EVI2A: variants seen among roughly 807,000 people sequenced by gnomAD.
EVI2A encodes ecotropic viral integration site 2A.
In EVI2A, 11 loss-of-function variants were observed where a neutral mutation model predicts 13.0. The ratio of observed to expected loss-of-function variants is 0.85; its 90% CI spans 0.53 to 1.40. The LOEUF is 1.40. EVI2A is among the 40% of genes most tolerant of loss of function. The pLI is 0.00. For synonymous variants in EVI2A, 89 were observed against 98.0 expected, an observed-to-expected ratio of 0.91 and a Z score of 0.54; for missense variants, 267 against 279.5, an observed-to-expected ratio of 0.96 and a Z score of 0.32.
rs1052985292 is a variant in EVI2A at position 31,321,478 on chromosome 17, G to A, written c.-11+17C>T. 2 of 152,108 alleles carry A rather than the reference G, an allele frequency of 1.3e-5. No homozygotes were observed. The highest frequency in any genetic ancestry group is 2.1e-4 in the South Asian group (1 of 4,830). 9.4% of individuals were successfully genotyped at this position (152,108 alleles called of 1,614,324 possible). ...GAAGTGAAAAGGCATAAGAAAAGCCGTATATATATGACCTACCTTACAAAA... is the reference window on the plus strand; with the variant it reads ...GAAGTGAAAAGGCATAAGAAAAGCCATATATATATGACCTACCTTACAAAA... On this transcript the variant is annotated intron_variant, in intron 1 of 1. Transcript: ENST00000462804.
Position 31,318,537 on chromosome 17 carries a change from C to G in EVI2A, c.477G>C (p.Leu159Phe), listed in dbSNP as rs2069088126. 1 of 1,614,026 alleles carries G rather than the reference C, an allele frequency of 6.2e-7. No individual in the cohort carries two copies. The highest frequency in any genetic ancestry group is 1.7e-5 in the Admixed American group (1 of 59,958). Residue 159 changes from leucine (L) to phenylalanine (F), a missense_variant, in exon 2 of 2, where the codon TTG (leucine) becomes TTC (phenylalanine). Physicochemically the swap from Leu to Phe is conservative, Grantham distance 22. Coordinates refer to ENST00000462804, the MANE Select transcript of EVI2A (RefSeq NM_014210.4). Reference protein sequence around the residue: ...CTFLFLSTVVLANKVSSLRRS... With the variant: ...CTFLFLSTVVFANKVSSLRRS... Reference sequence around the variant, plus strand: ...GTCTGAGAGAAGAGACTTTGTTTGCCAAAACCACAGTTGATAGAAATAGAA... The same window carrying G: ...GTCTGAGAGAAGAGACTTTGTTTGCGAAAACCACAGTTGATAGAAATAGAA...
rs1394429137 is a variant in EVI2A at position 31,316,781 on chromosome 17, T to C, written c.*1522A>G. Among the ~76,000 whole-genome samples, 1 of 152,214 alleles carries C rather than the reference T, an allele frequency of 6.6e-6. No homozygotes were observed. Among genetic ancestry groups the C allele is most frequent in the Non-Finnish European group, 1.5e-5 (1 of 68,032 alleles). ...ACACTTAACTTTATCTGGAATAATA[T>C]TGTTATGATTTCTCGTTTAGAGAAT... On this transcript the variant is annotated 3_prime_UTR_variant, in exon 2 of 2. Coordinates refer to ENST00000462804, the MANE Select transcript of EVI2A (RefSeq NM_014210.4).
Position 31,317,403 on chromosome 17 carries a change from A to ACC in EVI2A, c.*898_*899dup, listed in dbSNP as rs1555626469. ...CACACACACACACACACACACACAC[A>ACC]CCCCTAATAAATCATTAGGCTACTT... On this transcript the variant is annotated 3_prime_UTR_variant, in exon 2 of 2. Coordinates refer to ENST00000462804, the MANE Select transcript of EVI2A (RefSeq NM_014210.4). 3.1e-3 allele frequency among the ~76,000 whole-genome samples: 457 copies of ACC among 147,280 alleles called. 8 individuals carry two copies. The highest frequency in any genetic ancestry group is 0.031 in the South Asian group (145 of 4,732).
rs546367698 is a variant in EVI2A at position 31,317,166 on chromosome 17, G to A, written c.*1137C>T. Among the ~76,000 whole-genome samples, 14 of 152,026 alleles carry A rather than the reference G, an allele frequency of 9.2e-5. No individual in the cohort carries two copies. The highest frequency in any genetic ancestry group is 1.9e-4 in the African/African-American group (8 of 41,374). On this transcript the variant is annotated 3_prime_UTR_variant, in exon 2 of 2. Coordinates refer to ENST00000462804, the MANE Select transcript of EVI2A (RefSeq NM_014210.4). ...TTGCCCGAAATAAATGCCCAGTAAG[G>A]GATGAGATTTTTGAAATGTGGCCTG...
rs779960997 is a variant in EVI2A, at chr17:31,318,870, T to C, written c.144A>G (p.Gln48=). 1 of 1,614,082 alleles carries C rather than the reference T, an allele frequency of 6.2e-7. No homozygotes were observed. The part of the protein sequence containing the change: ...NSTSSWDSVI[Q]NKTGRNQNEN... ...CATTTTGGTTTCTGCCTGTCTTGTT[T>C]TGAATAACTGAATCCCAGGAAGAAG... Residue 48 remains glutamine (Q), a synonymous_variant, in exon 2 of 2, where the codon CAA becomes CAG. Coordinates refer to ENST00000462804, the MANE Select transcript of EVI2A (RefSeq NM_014210.4).
Position 31,318,449 on chromosome 17 carries a change from A to T in EVI2A, c.565T>A (p.Trp189Arg). Reference protein sequence around the residue: ...SNGDFLASGLWPAESDTWKRT... With the variant: ...SNGDFLASGLRPAESDTWKRT... Reference sequence around the variant, plus strand: ...TTCCAAGTGTCTGATTCAGCGGGCCATAGACCGCTTGCCAGAAAATCGCCA... The same window carrying T: ...TTCCAAGTGTCTGATTCAGCGGGCCTTAGACCGCTTGCCAGAAAATCGCCA... Residue 189 changes from tryptophan to arginine, a missense_variant, in exon 2 of 2, where the codon TGG (tryptophan) becomes AGG (arginine). Physicochemically the swap from Trp to Arg is moderately radical, Grantham distance 101. Coordinates refer to ENST00000462804, the MANE Select transcript of EVI2A (RefSeq NM_014210.4). 6.2e-7 allele frequency: 1 copy of T among 1,614,002 alleles called. No homozygotes were observed. The highest frequency in any genetic ancestry group is 1.7e-5 in the Admixed American group (1 of 59,904).
At position 31,316,583 on chromosome 17, in the gene EVI2A, G is replaced by C. The variant is rs1645444979; in HGVS notation, c.*1720C>G. On this transcript the variant is annotated 3_prime_UTR_variant, in exon 2 of 2. Coordinates refer to ENST00000462804, the MANE Select transcript of EVI2A (RefSeq NM_014210.4). ...TGACCCTTGATTCAAGGAGTGCTTTGTGTTACTCCTGGATGTACTGGTGCA... is the reference window on the plus strand; with the variant it reads ...TGACCCTTGATTCAAGGAGTGCTTTCTGTTACTCCTGGATGTACTGGTGCA... 6.6e-6 allele frequency among the ~76,000 whole-genome samples: 1 copy of C among 152,114 alleles called. No homozygotes were observed. Among genetic ancestry groups the C allele is most frequent in the Non-Finnish European group, 1.5e-5 (1 of 68,016 alleles).
In EVI2A at chr17:31,320,434, A is replaced by T. The variant is rs1297495022; in HGVS notation, c.-11+1061T>A. On this transcript the variant is annotated intron_variant, in intron 1 of 1. Coordinates refer to ENST00000462804, the MANE Select transcript of EVI2A (RefSeq NM_014210.4). ...CCAAACCAACTCCTAAGCAACATGGATGCCACTGCTAGTCAGGCTTTTGAA... is the reference window on the plus strand; with the variant it reads ...CCAAACCAACTCCTAAGCAACATGGTTGCCACTGCTAGTCAGGCTTTTGAA... The T allele has an allele frequency of 2.5e-6, 4 of 1,610,918 alleles. No homozygotes were observed. In the African/African-American group the frequency reaches 4.0e-5, roughly 16 times the overall value.
intron 1 of EVI2A, among the ~76,000 whole-genome samples, chr17:31,320,136 A>G (rs1332832878): frequency 6.6e-6 from 1 of 152,168 alleles, no homozygotes; most frequent in Non-Finnish European, 1.5e-5. Flanking sequence ...GGAAAGATTT[A>G]TAATCATTAT....
At position 31,318,393 on chromosome 17, in the gene EVI2A, T is replaced by C. The variant is rs764829154; in HGVS notation, c.621A>G (p.Leu207=). The C allele has an allele frequency of 6.2e-7, 1 of 1,614,056 alleles. No homozygotes were observed. The highest frequency in any genetic ancestry group is 8.5e-7 in the Non-Finnish European group (1 of 1,180,000). The stretch of plus-strand genomic sequence containing the variant: ...TGAGCACTCCAGTAGATTGCATCAC[T>C]AGGTTGGGTCCTGTGAGCTGTTTTG... ...KRTKQLTGPN[L]VMQSTGVLTA... Residue 207 remains leucine (L), a synonymous_variant, in exon 2 of 2, where the codon CTA becomes CTG. Coordinates refer to ENST00000462804, the MANE Select transcript of EVI2A (RefSeq NM_014210.4).
rs532490487 is a variant in EVI2A at position 31,318,913 on chromosome 17, C to A, written c.101G>T (p.Arg34Leu). The change falls in exon 2 of 2, where the codon CGT becomes CTT. Residue 34 changes from arginine to leucine, a missense_variant. Transcript: ENST00000462804. Reference sequence around the variant, plus strand: ...GGAAGAAGTACTGTTAGCCCACAGACGGGTATAGTTTGCTTTTGTTCCAGG... The same window carrying A: ...GGAAGAAGTACTGTTAGCCCACAGAAGGGTATAGTTTGCTTTTGTTCCAGG... ...LSPGTKANYT[R>L]LWANSTSSWD... The A allele has an allele frequency of 1.9e-6, 3 of 1,613,834 alleles. No individual in the cohort carries two copies. The highest frequency in any genetic ancestry group is 1.6e-4 in the Middle Eastern group (1 of 6,084).
chr17:31,317,572 T>C lies in EVI2A; in HGVS notation c.*731A>G, dbSNP rs1410743576. 6.6e-6 allele frequency: 1 copy of C among 152,218 alleles called. No homozygotes were observed. The highest frequency in any genetic ancestry group is 1.9e-4 in the East Asian group (1 of 5,200). The allele number at this position is 152,218 out of a possible 1,614,324, so 9.4% of individuals were successfully genotyped here. A position where few individuals can be genotyped will look rare whatever the true frequency, so the allele number is the denominator to read the frequency against. ...TTTACACTTAGCCTATTGGTGTGGC[T>C]ATAAATCTTATTTATTTTAGTTGTG... On this transcript the variant is annotated 3_prime_UTR_variant, in exon 2 of 2. Transcript: ENST00000462804.
chr17:31,318,240 A>C lies in EVI2A; in HGVS notation c.*63T>G. 1 of 1,530,780 alleles carries C rather than the reference A, an allele frequency of 6.5e-7. No individual in the cohort carries two copies. 94.8% of individuals were successfully genotyped at this position (1,530,780 alleles called of 1,614,324 possible). On this transcript the variant is annotated 3_prime_UTR_variant, in exon 2 of 2. Coordinates refer to ENST00000462804, the MANE Select transcript of EVI2A (RefSeq NM_014210.4). ...TAATCAGAACAACACTTTGGGATTA[A>C]ATACCAACTGACTTCATTTTTACTC...
Position 31,318,150 on chromosome 17 carries a change from G to C in EVI2A, c.*153C>G. 1.2e-6 allele frequency: 1 copy of C among 844,126 alleles called. No homozygotes were observed. The highest frequency in any genetic ancestry group is 1.8e-6 in the Non-Finnish European group (1 of 555,708). The allele number at this position is 844,126 out of a possible 1,614,324, so 52.3% of individuals were successfully genotyped here. On this transcript the variant is annotated 3_prime_UTR_variant, in exon 2 of 2. Transcript: ENST00000462804. ...GTACACAGTTTAAATAATTAAGCAGGCATACTTCTCCCTGTCTCACCTGCT... is the reference window on the plus strand; with the variant it reads ...GTACACAGTTTAAATAATTAAGCAGCCATACTTCTCCCTGTCTCACCTGCT...
chr17:31,320,445 A>G, intron 1 of EVI2A: 1 of 1,610,158 alleles, frequency 6.2e-7, no homozygotes, highest in Non-Finnish European at 8.5e-7. Context: ...TGCCACTGCT[A>G]GTCAGGCTTT....
chr17:31,321,353 GAAAA>G, intron 1 of EVI2A, 138 bp downstream of exon 1: 1 of 150,708 alleles, frequency 6.6e-6, no homozygotes, highest in East Asian at 1.9e-4. Context: ...TAACAGGACA[GAAAA>G]AAAAAGTATA....
At position 31,316,991 on chromosome 17, in the gene EVI2A, A is replaced by G. The variant is rs1322529389; in HGVS notation, c.*1312T>C. Among the ~76,000 whole-genome samples, 1 of 152,214 alleles carries G rather than the reference A, an allele frequency of 6.6e-6. No homozygotes were observed. The highest frequency in any genetic ancestry group is 1.5e-5 in the Non-Finnish European group (1 of 68,040). On this transcript the variant is annotated 3_prime_UTR_variant, in exon 2 of 2. Coordinates refer to ENST00000462804, the MANE Select transcript of EVI2A (RefSeq NM_014210.4). The stretch of plus-strand genomic sequence containing the variant: ...ATTCCAGTTGCATCAGAAGGAAGAC[A>G]TGGGAATTAGGCATTGGTGTTTTTT...
At position 31,317,791 on chromosome 17, in the gene EVI2A, G is replaced by C. The variant is rs2069063660; in HGVS notation, c.*512C>G. 1 of 152,532 alleles carries C rather than the reference G, an allele frequency of 6.6e-6. No homozygotes were observed. The highest frequency in any genetic ancestry group is 1.5e-5 in the Non-Finnish European group (1 of 68,320). The allele number at this position is 152,532 out of a possible 1,614,324, so 9.4% of individuals were successfully genotyped here. Reference sequence around the variant, plus strand: ...TAAAGGATCTATTCTAAAATTAGCTGTGTTGGTTGATAAGCTGGTGTGGAT... The same window carrying C: ...TAAAGGATCTATTCTAAAATTAGCTCTGTTGGTTGATAAGCTGGTGTGGAT... On this transcript the variant is annotated 3_prime_UTR_variant, in exon 2 of 2. Transcript: ENST00000462804.
intron 1 of EVI2A, chr17:31,320,270 T>G: frequency 1.7e-5 from 14 of 847,846 alleles, no homozygotes; most frequent in Non-Finnish European, 2.2e-5. Context: ...ATTTACTAAA[T>G]GAAATTGCCT....
Sources: allele counts gnomAD v4.1 joint callset (sites outside exome capture counted in the v4.1 genomes callset), GRCh38; gene constraint gnomAD v4.1.1; transcripts MANE v1.5; gene names NCBI Gene and HGNC (gene_info 2026-07-23, HGNC 2026-07-21).